Variants in ITPRID1 observed in about 807,000 individuals in gnomAD.
The protein encoded by ITPRID1 is protein ITPRID1.
In ITPRID1, 96 loss-of-function variants were observed where a neutral mutation model predicts 95.4. The observed-to-expected ratio is 1.01, with a 90% CI of 0.85 to 1.19. The LOEUF is 1.19. ITPRID1 is among the 50% of genes most tolerant of loss of function. The pLI, the probability that ITPRID1 is intolerant of heterozygous loss-of-function variation, is 0.00. For missense variants in ITPRID1, 1,339 were observed against 1,252.9 expected (o/e 1.07, Z -1.04); for synonymous variants, 510 against 453.6 (o/e 1.12, Z -1.58).
intron 11 of ITPRID1, 108 bp downstream of exon 11, chr7:31,642,366 G>A (rs1790100612): frequency 1.3e-6 from 1 of 780,794 alleles, no homozygotes; most frequent in South Asian, 1.9e-5. Flanking sequence ...CAGAAAGAGG[G>A]GTGTTTTAAA....
intron 1 of ITPRID1, among the ~76,000 whole-genome samples, chr7:31,522,258 C>T (rs1007642274): frequency 6.6e-6 from 1 of 152,146 alleles, no homozygotes; most frequent in African/African-American, 2.4e-5. Flanking sequence ...AACAACATGT[C>T]CTCTCTGACT....
rs143796950 is a variant in ITPRID1, at chr7:31,613,861, G to C, written c.1229-28315G>C. Among the ~76,000 whole-genome samples, 441 of 152,222 alleles carry C rather than the reference G, an allele frequency of 2.9e-3. 2 individuals are homozygous for C. Among genetic ancestry groups the C allele is most frequent in the African/African-American group, 0.01 (420 of 41,518 alleles). ...ACATTGTTACATTTGTGTTATTCTTGCTTGAATACTATGTTATGAGAGCTT... is the reference window on the plus strand; with the variant it reads ...ACATTGTTACATTTGTGTTATTCTTCCTTGAATACTATGTTATGAGAGCTT... On this transcript the variant is annotated intron_variant, in intron 10 of 14. Transcript: ENST00000615280.
intron 5 of ITPRID1, among the ~76,000 whole-genome samples, chr7:31,561,100 C>G (rs377099103): frequency 6.6e-6 from 1 of 151,828 alleles, no homozygotes; most frequent in African/African-American, 2.4e-5. Context: ...GGAACGACAC[C>G]GTAACCTTGA....
chr7:31,632,633 T>C (rs182763654), intron 10 of ITPRID1, among the ~76,000 whole-genome samples: 41 of 152,244 alleles, frequency 2.7e-4, no homozygotes, highest in Non-Finnish European at 5.9e-5. Context: ...AACTTCTGAC[T>C]AAACTAACAC....
At chr7:31,519,831 T>C (rs1783186212) in intron 1 of ITPRID1, among the ~76,000 whole-genome samples, 1 of 151,770 alleles carries the variant, frequency 6.6e-6, no homozygotes, top group South Asian at 2.1e-4. Context: ...GAGATCTCTC[T>C]ACCCACTTTC....
intron 1 of ITPRID1, among the ~76,000 whole-genome samples, chr7:31,539,207 C>T (rs752078723): frequency 8.6e-5 from 13 of 152,028 alleles, no homozygotes; most frequent in Non-Finnish European, 1.2e-4. Flanking sequence ...TATTTTGATA[C>T]GGGGTCTTGC....
chr7:31,634,483 C>T (rs1337297331), intron 10 of ITPRID1, among the ~76,000 whole-genome samples: 1 of 152,046 alleles, frequency 6.6e-6, no homozygotes, highest in East Asian at 1.9e-4. Context: ...TATGAGGGGA[C>T]AGACTCAGAG....
At position 31,642,191 on chromosome 7, in the gene ITPRID1, G is replaced by C; in HGVS notation, c.1244G>C (p.Arg415Thr). ...TSGTVGARVD[R>T]ANSCQSDSSG... ...CATTCTGCAGGTGCCAGGGTGGACA[G>C]AGCAAATAGCTGCCAGTCTGACAGC... The change falls in exon 11 of 15, where the codon AGA becomes ACA. Residue 415 changes from arginine to threonine, a missense_variant. Physicochemically the swap from Arg to Thr is moderately conservative, Grantham distance 71 (BLOSUM62 -1). Transcript: ENST00000615280. 6.4e-7 allele frequency: 1 copy of C among 1,561,024 alleles called. No homozygotes were observed. Among genetic ancestry groups the C allele is most frequent in the Non-Finnish European group, 8.7e-7 (1 of 1,153,570 alleles).
Position 31,652,559 on chromosome 7 carries a change from A to G in ITPRID1, c.2865A>G (p.Ser955=). ...CAGCAGAGCCACCTGAACACTATTC[A>G]AATCTGCATCAATATAACTGGATAG... is the stretch of plus-strand genomic sequence containing the variant. ...VLTAEPPEHY[S]NLHQYNWIEE... Residue 955 remains serine (S), a synonymous_variant, in exon 15 of 15, where the codon TCA becomes TCG. Coordinates refer to ENST00000615280, the MANE Select transcript of ITPRID1 (RefSeq NM_001257967.3). 6.2e-7 allele frequency: 1 copy of G among 1,609,700 alleles called. No homozygotes were observed. Among genetic ancestry groups the G allele is most frequent in the Non-Finnish European group, 8.5e-7 (1 of 1,177,806 alleles).
At chr7:31,548,863 T>A (rs1460210914) in intron 1 of ITPRID1, among the ~76,000 whole-genome samples, 1 of 152,036 alleles carries the variant, frequency 6.6e-6, no homozygotes, top group Non-Finnish European at 1.5e-5. Context: ...AATGGCATCA[T>A]GGTTGGGAAA....
chr7:31,619,637 C>T (rs529212091), intron 10 of ITPRID1, among the ~76,000 whole-genome samples: 2 of 152,006 alleles, frequency 1.3e-5, no homozygotes, highest in East Asian at 2.0e-4. Flanking sequence ...CCAAGATGGC[C>T]GAATAGGAAC....
At chr7:31,635,747 G>A (rs555227778) in intron 10 of ITPRID1, among the ~76,000 whole-genome samples, 40 of 152,134 alleles carry the variant, frequency 2.6e-4, no homozygotes, top group African/African-American at 9.2e-4. Context: ...GACACAGGGA[G>A]GGGAACACCA....
intron 10 of ITPRID1, among the ~76,000 whole-genome samples, chr7:31,603,889 T>C (rs916544272): frequency 6.6e-6 from 1 of 152,194 alleles, no homozygotes; most frequent in African/African-American, 2.4e-5. Context: ...AAGGTCTTAG[T>C]GCGATGATTA....
chr7:31,553,291 G>C, intron 3 of ITPRID1, 104 bp downstream of exon 3: 1 of 1,089,844 alleles, frequency 9.2e-7, no homozygotes, highest in African/African-American at 1.6e-5. Context: ...AAAGTATTTG[G>C]CTTTGAATAT....
chr7:31,539,984 GC>G (rs1783881747), intron 1 of ITPRID1, among the ~76,000 whole-genome samples: 1 of 152,190 alleles, frequency 6.6e-6, no homozygotes, highest in African/African-American at 2.4e-5. Flanking sequence ...TTAGGCTGAT[GC>G]CCTTTGGATT....
At chr7:31,624,352 C>T (rs1250010770) in intron 10 of ITPRID1, among the ~76,000 whole-genome samples, 65 of 147,344 alleles carry the variant, frequency 4.4e-4, no homozygotes, top group South Asian at 1.6e-3. Context: ...GGAGGCATCA[C>T]GCTACCTGAC....
At chr7:31,521,147 A>G (rs564228429) in intron 1 of ITPRID1, among the ~76,000 whole-genome samples, 1 of 150,914 alleles carries the variant, frequency 6.6e-6, no homozygotes, top group South Asian at 2.1e-4. Context: ...CTTTTTCTCT[A>G]CTTTCCTAAA....
intron 10 of ITPRID1, among the ~76,000 whole-genome samples, chr7:31,618,233 A>T (rs912205107): frequency 6.6e-6 from 1 of 152,200 alleles, no homozygotes; most frequent in Admixed American, 6.5e-5. Flanking sequence ...TTCCCCAGCC[A>T]CCACCCAATT....
intron 1 of ITPRID1, among the ~76,000 whole-genome samples, chr7:31,526,613 A>C (rs949579402): frequency 6.6e-6 from 1 of 152,160 alleles, no homozygotes; most frequent in Non-Finnish European, 1.5e-5. Context: ...TTTTCAAATT[A>C]TACTTCCTTC....
Sources: gnomAD v4.1 joint callset for allele counts (sites outside exome capture counted in the v4.1 genomes callset) on GRCh38, gnomAD v4.1.1 for gene constraint, MANE v1.5 for transcripts, NCBI Gene and HGNC (gene_info 2026-07-23, HGNC 2026-07-21) for gene names.